JARID2: variants seen among roughly 807,000 people sequenced by gnomAD.
The protein encoded by JARID2 is jumonji and AT-rich interaction domain containing 2.
A neutral mutation model predicts 125.6 loss-of-function variants in JARID2; 21 were observed. The observed-to-expected ratio is 0.17, with a 90% CI of 0.12 to 0.24. The LOEUF is 0.24. Among genes scored for constraint, JARID2 ranks in the 10% least tolerant of loss-of-function variants. JARID2 has a pLI of 1.00. For missense variants in JARID2, 1,303 were observed against 1,639.6 expected, an observed-to-expected ratio of 0.79 and a Z score of 3.55; for synonymous variants, 736 against 661.6, an observed-to-expected ratio of 1.11 and a Z score of -1.73.
At chr6:15,267,164 C>G (rs1581345224) in intron 1 of JARID2, among the ~76,000 whole-genome samples, 3 of 152,186 alleles carry the variant, frequency 2.0e-5, no homozygotes, top group Non-Finnish European at 4.4e-5. Context: ...GTGAATTCAA[C>G]ACTCTGAAAC....
chr6:15,427,464 T>A (rs532395156), intron 3 of JARID2, among the ~76,000 whole-genome samples: 1 of 152,238 alleles, frequency 6.6e-6, no homozygotes, highest in Admixed American at 6.5e-5. Context: ...GGAGATCAGA[T>A]TGCAGGGATA....
chr6:15,353,374 A>G (rs1763493772), intron 1 of JARID2, among the ~76,000 whole-genome samples: 1 of 152,208 alleles, frequency 6.6e-6, no homozygotes, highest in South Asian at 2.1e-4. Context: ...ATATCGTTGT[A>G]CCTATTCTGA....
chr6:15,437,456 CTAGT>C (rs370124708), intron 3 of JARID2, among the ~76,000 whole-genome samples: 195 of 152,244 alleles, frequency 1.3e-3, no homozygotes, highest in Non-Finnish European at 1.6e-3. Flanking sequence ...CTCCCTTAAC[CTAGT>C]TAGTTACTAG....
chr6:15,304,162 G>T (rs1761727161), intron 1 of JARID2, among the ~76,000 whole-genome samples: 2 of 152,182 alleles, frequency 1.3e-5, no homozygotes, highest in East Asian at 3.9e-4. Flanking sequence ...AACCAGCCTT[G>T]ATAACCAGCT....
At chr6:15,447,896 A>G (rs1368225048) in intron 3 of JARID2, among the ~76,000 whole-genome samples, 1 of 152,082 alleles carries the variant, frequency 6.6e-6, no homozygotes, top group African/African-American at 2.4e-5. Context: ...GCACATCCAA[A>G]TCACTTTCTT....
At chr6:15,412,373 A>T (rs1039247085) in intron 3 of JARID2, among the ~76,000 whole-genome samples, 1 of 152,060 alleles carries the variant, frequency 6.6e-6, no homozygotes, top group Non-Finnish European at 1.5e-5. Context: ...TGGTGGTGCA[A>T]TCTCAGCTCA....
At chr6:15,270,044 T>G (rs1289068210) in intron 1 of JARID2, among the ~76,000 whole-genome samples, 7 of 152,204 alleles carry the variant, frequency 4.6e-5, no homozygotes, top group Admixed American at 4.6e-4. Flanking sequence ...CATTTCTTAG[T>G]CTTTCTGTAG....
intron 1 of JARID2, chr6:15,324,254 C>T (rs1188080092): frequency 6.6e-6 from 1 of 151,172 alleles, no homozygotes; most frequent in East Asian, 1.9e-4. Context: ...TATTATCATT[C>T]ATCCTTTTTG....
chr6:15,258,649 G>A (rs1459892260), intron 1 of JARID2, among the ~76,000 whole-genome samples: 1 of 152,162 alleles, frequency 6.6e-6, no homozygotes, highest in Non-Finnish European at 1.5e-5. Flanking sequence ...AGGTGTGGTG[G>A]CAAGCGCCTG....
At chr6:15,507,566 A>G in intron 11 of JARID2, 150 bp downstream of exon 11, 1 of 631,438 alleles carries the variant, frequency 1.6e-6, no homozygotes, top group South Asian at 1.9e-5. Context: ...TGATTTTTAG[A>G]AAAGAAAGGA....
chr6:15,310,801 T>C (rs528941050), intron 1 of JARID2, among the ~76,000 whole-genome samples: 2 of 152,340 alleles, frequency 1.3e-5, no homozygotes, highest in East Asian at 1.9e-4. Context: ...AAATCTTGGA[T>C]GTGACTCCTG....
At chr6:15,446,879 C>G (rs1327072824) in intron 3 of JARID2, among the ~76,000 whole-genome samples, 1 of 152,186 alleles carries the variant, frequency 6.6e-6, no homozygotes, top group African/African-American at 2.4e-5. Context: ...ACAGAGACAG[C>G]TCTCACATAG....
chr6:15,352,410 C>A (rs1337896342), intron 1 of JARID2, among the ~76,000 whole-genome samples: 1 of 152,078 alleles, frequency 6.6e-6, no homozygotes, highest in South Asian at 2.1e-4. Context: ...GACTATTCTT[C>A]CCCCAGCTCA....
At position 15,520,547 on chromosome 6, in the gene JARID2, G is replaced by T. The variant is rs13201824; in HGVS notation, c.*296G>T. 0.16 allele frequency: 49,143 copies of T among 306,666 alleles called. 5,344 individuals carry two copies. The highest frequency in any genetic ancestry group is 0.21 in the Non-Finnish European group (33,534 of 158,390). 19.0% of individuals were successfully genotyped at this position (306,666 alleles called of 1,614,324 possible). A position where few individuals can be genotyped will look rare whatever the true frequency, so the allele number is the denominator to read the frequency against. ...ATGGCTGACAAAAGCCTTTTTTTTT[G>T]GTTTTGATTTTTTTTTTTTTGTAAC... On this transcript the variant is annotated 3_prime_UTR_variant, in exon 18 of 18. Coordinates refer to ENST00000341776, the MANE Select transcript of JARID2 (RefSeq NM_004973.4).
At chr6:15,468,810 G>A in intron 5 of JARID2, 92 bp downstream of exon 5, 2 of 1,109,548 alleles carry the variant, frequency 1.8e-6, no homozygotes, top group Non-Finnish European at 1.3e-6. Context: ...TGAGATGAAG[G>A]CAAAGCTCGT....
intron 1 of JARID2, among the ~76,000 whole-genome samples, chr6:15,302,681 A>G (rs535753115): frequency 1.3e-5 from 2 of 152,318 alleles, no homozygotes; most frequent in Admixed American, 6.5e-5. Flanking sequence ...AGGATAACAT[A>G]TAACCTCATT....
intron 5 of JARID2, among the ~76,000 whole-genome samples, chr6:15,479,217 G>A (rs528008677): frequency 6.6e-6 from 1 of 152,322 alleles, no homozygotes; most frequent in East Asian, 1.9e-4. Flanking sequence ...CGCGGGGCTA[G>A]TAATCATCAG....
In JARID2 at chr6:15,513,673, G is replaced by A. The variant is rs140293614; in HGVS notation, c.3450+251G>A. ...TGGCCCTCCCTCGGTCCTGCAGTGCGTCCTTCCTCCCTGGGGAGCAGGTGG... is the reference window on the plus strand; with the variant it reads ...TGGCCCTCCCTCGGTCCTGCAGTGCATCCTTCCTCCCTGGGGAGCAGGTGG... On this transcript the variant is annotated intron_variant, in intron 16 of 17. Transcript: ENST00000341776. Among the ~76,000 whole-genome samples the A allele has an allele frequency of 6.4e-3, 979 of 152,342 alleles. 6 individuals are homozygous for A. Among genetic ancestry groups the A allele is most frequent in the Middle Eastern group, 0.017 (5 of 294 alleles).
intron 1 of JARID2, among the ~76,000 whole-genome samples, chr6:15,256,801 C>T (rs1051042310): frequency 3.9e-5 from 6 of 152,208 alleles, no homozygotes; most frequent in African/African-American, 7.2e-5. Flanking sequence ...ATGTCTCTCA[C>T]CCTATTAACC....
Sources: allele counts gnomAD v4.1 joint callset (sites outside exome capture counted in the v4.1 genomes callset), GRCh38; gene constraint gnomAD v4.1.1; transcripts MANE v1.5; gene names NCBI Gene and HGNC (gene_info 2026-07-23, HGNC 2026-07-21).